The following LHFPL6 variants were observed in gnomAD, a reference collection of about 807,000 sequenced individuals.
LHFPL6 encodes LHFPL tetraspan subfamily member 6.
Under a neutral mutation model 20.6 loss-of-function variants are expected in LHFPL6, and 9 were observed. That is an observed-to-expected ratio of 0.44 (90% CI 0.26 to 0.76). LHFPL6 has a LOEUF of 0.76. Among genes scored for constraint, LHFPL6 ranks in the 30% least tolerant of loss-of-function variants. The pLI, the probability that LHFPL6 is intolerant of heterozygous loss-of-function variation, is 0.20. For missense variants in LHFPL6, 218 were observed against 253.5 expected (o/e 0.86, Z 0.95); for synonymous variants, 105 against 98.7 (o/e 1.06, Z -0.38).
intron 2 of LHFPL6, among the ~76,000 whole-genome samples, chr13:39,451,645 G>T (rs943661354): frequency 6.6e-6 from 1 of 152,160 alleles, no homozygotes; most frequent in Non-Finnish European, 1.5e-5. Context: ...ACAAAGCAGG[G>T]TCTTATAATG....
chr13:39,563,119 C>T (rs1376732190), intron 2 of LHFPL6, among the ~76,000 whole-genome samples: 5 of 150,134 alleles, frequency 3.3e-5, no homozygotes, highest in African/African-American at 1.2e-4. Context: ...CACACACACA[C>T]ACACACACAC....
intron 2 of LHFPL6, among the ~76,000 whole-genome samples, chr13:39,487,929 G>A (rs1868780747): frequency 6.6e-6 from 1 of 152,104 alleles, no homozygotes; most frequent in African/African-American, 2.4e-5. Context: ...AATTGCTTTT[G>A]CTATTTACCC....
chr13:39,537,022 G>C (rs1311783003), intron 2 of LHFPL6, among the ~76,000 whole-genome samples: 1 of 152,104 alleles, frequency 6.6e-6, no homozygotes, highest in Admixed American at 6.5e-5. Context: ...TCCCTCCATG[G>C]GGCCTGTTCC....
chr13:39,404,815 C>T (rs1179459696), intron 2 of LHFPL6, among the ~76,000 whole-genome samples: 2 of 152,172 alleles, frequency 1.3e-5, no homozygotes, highest in Non-Finnish European at 2.9e-5. Context: ...AAGACCTAGA[C>T]TGTTTTATTA....
chr13:39,577,581 T>C (rs1053214660), intron 2 of LHFPL6, among the ~76,000 whole-genome samples: 1 of 152,146 alleles, frequency 6.6e-6, no homozygotes, highest in African/African-American at 2.4e-5. Context: ...ATGGTCTTAA[T>C]GAAAAACACA....
chr13:39,447,404 A>G (rs1030225087), intron 2 of LHFPL6, among the ~76,000 whole-genome samples: 8 of 152,166 alleles, frequency 5.3e-5, no homozygotes, highest in Admixed American at 2.0e-4. Context: ...CAAGTCTTTA[A>G]GAGGATCCTG....
chr13:39,492,257 C>T (rs1384484724), intron 2 of LHFPL6, among the ~76,000 whole-genome samples: 3 of 152,192 alleles, frequency 2.0e-5, no homozygotes, highest in Non-Finnish European at 4.4e-5. Flanking sequence ...ATGTCATTCC[C>T]TGAGTGACCC....
intron 2 of LHFPL6, among the ~76,000 whole-genome samples, chr13:39,499,822 G>A (rs1566125578): frequency 6.6e-6 from 1 of 152,210 alleles, no homozygotes; most frequent in Non-Finnish European, 1.5e-5. Flanking sequence ...TCAGTAACTT[G>A]AGCCAATAAA....
At chr13:39,419,963 A>T (rs1593306143) in intron 2 of LHFPL6, among the ~76,000 whole-genome samples, 1 of 152,224 alleles carries the variant, frequency 6.6e-6, no homozygotes, top group South Asian at 2.1e-4. Context: ...TTTTCAATAA[A>T]GTGAACAAAG....
chr13:39,433,378 T>C (rs559912429), intron 2 of LHFPL6, among the ~76,000 whole-genome samples: 121 of 152,240 alleles, frequency 7.9e-4, no homozygotes, highest in Non-Finnish European at 1.6e-3. Flanking sequence ...TTATAACTTA[T>C]ATGATAGATG....
intron 3 of LHFPL6, among the ~76,000 whole-genome samples, chr13:39,349,847 G>T (rs375539332): frequency 6.6e-6 from 1 of 152,300 alleles, no homozygotes; most frequent in East Asian, 1.9e-4. Context: ...AAATATAATG[G>T]AGAAATGCAG....
At chr13:39,566,316 T>A (rs566135756) in intron 2 of LHFPL6, among the ~76,000 whole-genome samples, 2 of 152,358 alleles carry the variant, frequency 1.3e-5, no homozygotes, top group South Asian at 4.1e-4. Flanking sequence ...TTTTTCTACT[T>A]GCTAGGCATC....
intron 2 of LHFPL6, among the ~76,000 whole-genome samples, chr13:39,458,526 T>A (rs1008550759): frequency 1.3e-5 from 2 of 151,806 alleles, no homozygotes; most frequent in Non-Finnish European, 2.9e-5. Flanking sequence ...GCAAAACTCC[T>A]TCTCTACAAA....
chr13:39,347,154 G>T (rs905527841), intron 3 of LHFPL6, among the ~76,000 whole-genome samples: 1 of 150,754 alleles, frequency 6.6e-6, no homozygotes, highest in Non-Finnish European at 1.5e-5. Context: ...GCCTATGAGG[G>T]CTTAAATGTC....
chr13:39,521,672 C>T (rs896726674), intron 2 of LHFPL6, among the ~76,000 whole-genome samples: 2 of 152,150 alleles, frequency 1.3e-5, no homozygotes, highest in African/African-American at 4.8e-5. Flanking sequence ...TGTATGCTTT[C>T]CTCAGATTAC....
intron 2 of LHFPL6, among the ~76,000 whole-genome samples, chr13:39,524,117 C>G (rs1253836285): frequency 6.6e-6 from 1 of 151,892 alleles, no homozygotes; most frequent in Non-Finnish European, 1.5e-5. Context: ...GAAATAGAAG[C>G]CTAGATAAAG....
chr13:39,468,780 T>C (rs1463844239), intron 2 of LHFPL6, among the ~76,000 whole-genome samples: 1 of 152,144 alleles, frequency 6.6e-6, no homozygotes, highest in Non-Finnish European at 1.5e-5. Flanking sequence ...TCTTGGACTG[T>C]TTTTAATGTA....
At chr13:39,510,218 C>T (rs186731207) in intron 2 of LHFPL6, among the ~76,000 whole-genome samples, 1 of 150,194 alleles carries the variant, frequency 6.7e-6, no homozygotes, top group East Asian at 2.0e-4. Flanking sequence ...TTAAACATTG[C>T]AGCACCACCC....
intron 2 of LHFPL6, among the ~76,000 whole-genome samples, chr13:39,417,845 A>G (rs1871384381): frequency 6.6e-6 from 1 of 152,186 alleles, no homozygotes; most frequent in Admixed American, 6.5e-5. Flanking sequence ...CCTGTGTCTG[A>G]GTATGATTCA....
Sources: allele counts gnomAD v4.1 joint callset (sites outside exome capture counted in the v4.1 genomes callset), GRCh38; gene constraint gnomAD v4.1.1; transcripts MANE v1.5; gene names NCBI Gene and HGNC (gene_info 2026-07-23, HGNC 2026-07-21).